Variants in AMOTL2 observed in about 807,000 individuals in gnomAD.
AMOTL2 encodes angiomotin-like protein 2.
AMOTL2 carries 33 observed loss-of-function variants against 78.4 expected under a neutral mutation model. The ratio of observed to expected loss-of-function variants is 0.42; its 90% CI spans 0.32 to 0.56. AMOTL2 has a LOEUF of 0.56. Ranked by LOEUF, AMOTL2 falls within the 20% of genes least tolerant of loss-of-function variation. The pLI, the probability that AMOTL2 is intolerant of heterozygous loss-of-function variation, is 0.12. For synonymous variants in AMOTL2, 422 were observed against 428.8 expected (o/e 0.98, Z 0.20); for missense variants, 983 against 1,030.1 (o/e 0.95, Z 0.63).
At position 134,356,442 on chromosome 3, in the gene AMOTL2, G is replaced by A. The variant is rs1158010262; in HGVS notation, c.*1263C>T. ...AAGTCAAAGTCACTGCTGCTAGCAG[G>A]CTGCCATGTGGGTGTTTCACCCCAA... On this transcript the variant is annotated 3_prime_UTR_variant, in exon 10 of 10. Transcript: ENST00000249883. The A allele has an allele frequency of 1.3e-5, 2 of 152,554 alleles. No homozygotes were observed. The highest frequency in any genetic ancestry group is 1.5e-5 in the Non-Finnish European group (1 of 68,058). The allele number at this position is 152,554 out of a possible 1,614,324, so 9.5% of individuals were successfully genotyped here.
At position 134,367,514 on chromosome 3, in the gene AMOTL2, C is replaced by G. The variant is rs2303635; in HGVS notation, c.1024G>C (p.Ala342Pro). The change falls in exon 3 of 10, where the codon GCT becomes CCT. Residue 342 changes from alanine (A) to proline (P), a missense_variant. Coordinates refer to ENST00000249883, the MANE Select transcript of AMOTL2 (RefSeq NM_016201.4). ...GGGCCTACCTTCTCAATGCGGCCAG[C>G]CTTCTCCGCAGAGCTCTCCAGCTCC... Reference protein sequence around the residue: ...QRELESSAEKAGRIEKLESEI... With the variant: ...QRELESSAEKPGRIEKLESEI... The G allele has an allele frequency of 5.5e-3, 8,857 of 1,612,244 alleles. 374 individuals are homozygous for G. The Admixed American group carries it at 0.077, about 14-fold the overall frequency.
rs1353776 is a variant in AMOTL2, at chr3:134,358,628, C to A, written c.2196G>T (p.Glu732Asp). The A allele has an allele frequency of 1.9e-4, 310 of 1,613,970 alleles. No individual in the cohort carries two copies. Among genetic ancestry groups the A allele is most frequent in the African/African-American group, 8.3e-4 (62 of 75,018 alleles). ...HGSRDGSTQT[E>D]GPPDSTSTCL... ...AGGTGGAGGTGCTGTCTGGGGGGCC[C>A]TCAGTCTGGGTGCTCCCATCTCTGC... is the stretch of plus-strand genomic sequence containing the variant. The change falls in exon 9 of 10, where the codon GAG (glutamate) becomes GAT (aspartate). Residue 732 changes from glutamate to aspartate, a missense_variant. Physicochemically the swap from Glu to Asp is conservative, Grantham distance 45. Transcript: ENST00000249883.
Position 134,357,515 on chromosome 3 carries a change from G to A in AMOTL2, c.*190C>T, listed in dbSNP as rs985177366. 1.1e-4 allele frequency: 67 copies of A among 622,586 alleles called. 1 individual carries two copies. The highest frequency in any genetic ancestry group is 2.6e-4 in the South Asian group (14 of 53,036). The allele number at this position is 622,586 out of a possible 1,614,324, so 38.6% of individuals were successfully genotyped here. ...AGAAGCAGAGTCTTCTGGGGGTGCC[G>A]GTGCTCTCACAGCTCTCCTCTCCCC... On this transcript the variant is annotated 3_prime_UTR_variant, in exon 10 of 10. Transcript: ENST00000249883.
chr3:134,359,090 C>T (rs2017215765), intron 8 of AMOTL2, among the ~76,000 whole-genome samples, 193 bp downstream of exon 8: 1 of 152,226 alleles, frequency 6.6e-6, no homozygotes, highest in Non-Finnish European at 1.5e-5. Flanking sequence ...GGACTAAGTA[C>T]CCCTCTTCAC....
chr3:134,366,461 C>G, intron 3 of AMOTL2, 34 bp from the exon 4 acceptor site: 2 of 1,597,500 alleles, frequency 1.3e-6, no homozygotes, highest in Non-Finnish European at 1.7e-6. Context: ...TGAATGAAGG[C>G]GAGAGCTCCC....
rs973761097 is a variant in AMOTL2 at position 134,356,942 on chromosome 3, A to G, written c.*763T>C. ...CGGGCCAGGAACTTGAGGAGGAGGC[A>G]TAACTGGGAGGCCAGTCAGAAGTTT... On this transcript the variant is annotated 3_prime_UTR_variant, in exon 10 of 10. Transcript: ENST00000249883. 3.3e-5 allele frequency: 5 copies of G among 152,786 alleles called. No homozygotes were observed. The highest frequency in any genetic ancestry group is 1.2e-4 in the African/African-American group (5 of 41,446). 9.5% of individuals were successfully genotyped at this position (152,786 alleles called of 1,614,324 possible).
intron 1 of AMOTL2, among the ~76,000 whole-genome samples, chr3:134,372,225 G>T (rs2017895073): frequency 6.6e-6 from 1 of 152,174 alleles, no homozygotes; most frequent in Non-Finnish European, 1.5e-5. Context: ...AGAACTCCTG[G>T]AGGATGGGCT....
chr3:134,374,530 T>A, upstream of AMOTL2: 1 of 985,436 alleles, frequency 1.0e-6, no homozygotes, highest in Non-Finnish European at 1.2e-6. Flanking sequence ...GAGTTTCAGG[T>A]TCCCCCTCGG....
intron 1 of AMOTL2, 191 bp from the exon 2 acceptor site, chr3:134,371,685 A>C: frequency 3.5e-6 from 3 of 855,898 alleles, no homozygotes; most frequent in Admixed American, 3.2e-5. Context: ...AAGTTACCTA[A>C]TCTCTGAGCC....
In AMOTL2 at chr3:134,359,400, G is replaced by A. The variant is rs781488712; in HGVS notation, c.1987C>T (p.Arg663Trp). ...ACAGATGGCACCGACTTGGCAGGCC[G>A]CAGGGAGCCCTGGATGGCCTTGCCA... is the stretch of plus-strand genomic sequence containing the variant. ...DPGKAIQGSL[R>W]PAKSVPSVFA... Residue 663 changes from arginine (R) to tryptophan (W), a missense_variant, in exon 8 of 10, where the codon CGG becomes TGG. Physicochemically the swap from Arg to Trp is moderately radical, Grantham distance 101. Transcript: ENST00000249883. 11 of 1,614,078 alleles carry A rather than the reference G, an allele frequency of 6.8e-6. No homozygotes were observed. Among genetic ancestry groups the A allele is most frequent in the East Asian group, 2.2e-5 (1 of 44,890 alleles).
chr3:134,367,678 G>C lies in AMOTL2; in HGVS notation c.860C>G (p.Ser287Cys), dbSNP rs1237266812. Residue 287 changes from serine (S) to cysteine (C), a missense_variant, in exon 3 of 10, where the codon TCC becomes TGC. Ser to Cys is a moderately radical substitution (Grantham distance 112). Coordinates refer to ENST00000249883, the MANE Select transcript of AMOTL2 (RefSeq NM_016201.4). ...PAALGHGPLSSLSPPAVEGPV... is the reference protein window; with the variant it reads ...PAALGHGPLSCLSPPAVEGPV... ...CCCCTCCACAGCAGGTGGACTGAGG[G>C]AGCTCAGGGGGCCATGGCCGAGAGC... 3 of 1,613,420 alleles carry C rather than the reference G, an allele frequency of 1.9e-6. No individual in the cohort carries two copies.
At chr3:134,364,339 AGCGGAAAC>A (rs971800804) in intron 5 of AMOTL2, among the ~76,000 whole-genome samples, 63 of 151,842 alleles carry the variant, frequency 4.1e-4, no homozygotes, top group African/African-American at 1.4e-3. Flanking sequence ...CTCCCCGGGG[AGCGGAAAC>A]GCCTCCCGGC....
chr3:134,373,548 G>A, intron 1 of AMOTL2: 5 of 985,578 alleles, frequency 5.1e-6, no homozygotes, highest in Non-Finnish European at 6.0e-6. Context: ...GCTCTCTGAA[G>A]GCCGCCTTTC....
rs763829596 is a variant in AMOTL2 at position 134,366,364 on chromosome 3, G to A, written c.1105C>T (p.Arg369Cys). ...HESLTRASSKREALEKTMRNK... is the reference protein window; with the variant it reads ...HESLTRASSKCEALEKTMRNK... Reference sequence around the variant, plus strand: ...CGCATGGTCTTCTCCAGGGCCTCACGCTTGGAGGAGGCTCTGGTCAGGCTC... The same window carrying A: ...CGCATGGTCTTCTCCAGGGCCTCACACTTGGAGGAGGCTCTGGTCAGGCTC... The change falls in exon 4 of 10, where the codon CGT (arginine) becomes TGT (cysteine). Residue 369 changes from arginine (R) to cysteine (C), a missense_variant. Coordinates refer to ENST00000249883, the MANE Select transcript of AMOTL2 (RefSeq NM_016201.4). 6 of 1,613,954 alleles carry A rather than the reference G, an allele frequency of 3.7e-6. No individual in the cohort carries two copies. The highest frequency in any genetic ancestry group is 1.6e-4 in the Middle Eastern group (1 of 6,084).
Position 134,361,650 on chromosome 3 carries a change from C to T in AMOTL2, c.1437G>A (p.Lys479=), listed in dbSNP as rs758815453. 6.2e-7 allele frequency: 1 copy of T among 1,612,748 alleles called. No homozygotes were observed. The highest frequency in any genetic ancestry group is 1.1e-5 in the South Asian group (1 of 91,088). Residue 479 remains lysine (K), a synonymous_variant, in exon 6 of 10, where the codon AAG becomes AAA. Coordinates refer to ENST00000249883, the MANE Select transcript of AMOTL2 (RefSeq NM_016201.4). ...AARAEEELRK[K]QAYVEKVERL... ...GCTCCACTTTCTCCACATAGGCCTG[C>T]TTCTTGCGCAGCTCCTCTTCGGCTC... is the stretch of plus-strand genomic sequence containing the variant.
rs924885924 is a variant in AMOTL2 at position 134,374,289 on chromosome 3, G to T, written c.-62+53C>A. The T allele has an allele frequency of 6.1e-6, 6 of 985,462 alleles. No homozygotes were observed. The Admixed American group carries it at 3.7e-4, about 60-fold the overall frequency. 61.0% of individuals were successfully genotyped at this position (985,462 alleles called of 1,614,324 possible). On this transcript the variant is annotated intron_variant, in intron 1 of 9. Transcript: ENST00000249883. ...CGCCGAGACTCCAGCTTTGGCTGGG[G>T]CACGTTTCTGTGGCCTCGCGCGCTC... is the stretch of plus-strand genomic sequence containing the variant.
chr3:134,367,839 C>G, intron 2 of AMOTL2, 36 bp from the exon 3 acceptor site: 1 of 1,607,584 alleles, frequency 6.2e-7, no homozygotes, highest in Non-Finnish European at 8.5e-7. Context: ...AGAGACAGCA[C>G]AGACCCTCAT....
At position 134,363,697 on chromosome 3, in the gene AMOTL2, T is replaced by C. The variant is rs114568552; in HGVS notation, c.1280-1890A>G. Among the ~76,000 whole-genome samples, 506 of 152,266 alleles carry C rather than the reference T, an allele frequency of 3.3e-3. 1 individual carries two copies. Among genetic ancestry groups the C allele is most frequent in the Middle Eastern group, 0.014 (4 of 294 alleles). ...TGCCTAGGAGGAAAAGCAGATGGCA[T>C]TGGTGATAATGGCCACACTTTCCTA... On this transcript the variant is annotated intron_variant, in intron 5 of 9. Transcript: ENST00000249883.
chr3:134,369,861 T>C (rs1203096569), intron 2 of AMOTL2, among the ~76,000 whole-genome samples: 2 of 152,206 alleles, frequency 1.3e-5, no homozygotes, highest in African/African-American at 4.8e-5. Flanking sequence ...ATGAGAAGCG[T>C]GAGGCAGGGC....
Sources: gnomAD v4.1 joint callset for allele counts (sites outside exome capture counted in the v4.1 genomes callset) on GRCh38, gnomAD v4.1.1 for gene constraint, MANE v1.5 for transcripts, NCBI Gene and HGNC (gene_info 2026-07-23, HGNC 2026-07-21) for gene names.